The following DYNC2H1 variants were observed in gnomAD, a reference collection of about 807,000 sequenced individuals.
DYNC2H1 encodes the protein dynein cytoplasmic 2 heavy chain 1.
In DYNC2H1, 410 loss-of-function variants were observed where a neutral mutation model predicts 570.0. The observed-to-expected ratio is 0.72, with a 90% CI of 0.66 to 0.78. The LOEUF (loss-of-function observed/expected upper bound fraction) is 0.78. Among genes scored for constraint, DYNC2H1 ranks in the 30% least tolerant of loss-of-function variants. The probability of loss-of-function intolerance (pLI) is 0.00; values close to 1 mark genes in which losing one functional copy is unlikely to be tolerated. For synonymous variants in DYNC2H1, 1,688 were observed against 1,677.6 expected (o/e 1.01, Z -0.15); for missense variants, 4,865 against 5,046.4 (o/e 0.96, Z 1.09).
intron 59 of DYNC2H1, among the ~76,000 whole-genome samples, chr11:103,224,036 G>A (rs61896691): frequency 0.088 from 13,453 of 152,034 alleles, 787 homozygotes; most frequent in Non-Finnish European, 0.12. Context: ...ATAAGCCACC[G>A]TGCCTTGCTG....
chr11:103,436,307 G>A (rs1944058705), intron 85 of DYNC2H1, among the ~76,000 whole-genome samples: 4 of 151,616 alleles, frequency 2.6e-5, no homozygotes, highest in South Asian at 4.2e-4. Context: ...TCACATAGAC[G>A]GTAACTGACA....
intron 83 of DYNC2H1, among the ~76,000 whole-genome samples, chr11:103,389,476 G>GT (rs1347231366): frequency 2.6e-5 from 4 of 152,024 alleles, no homozygotes; most frequent in African/African-American, 7.2e-5. Context: ...TTCTTGAAGG[G>GT]TTTTTTGTGT....
chr11:103,306,257 AT>A (rs1867279928), intron 77 of DYNC2H1, among the ~76,000 whole-genome samples: 1 of 152,220 alleles, frequency 6.6e-6, no homozygotes, highest in Non-Finnish European at 1.5e-5. Flanking sequence ...AGACTGGCAA[AT>A]ACTTGTACTG....
chr11:103,133,739 T>C lies in DYNC2H1; in HGVS notation c.2106+32T>C. On this transcript the variant is annotated intron_variant, in intron 14 of 88. Coordinates refer to ENST00000375735, the MANE Select transcript of DYNC2H1 (RefSeq NM_001377.3). The surrounding 1 kb of genome is among the most constrained non-coding windows in gnomAD (Gnocchi z 4.8). ...TTTGTTTATAAAATTGAATAAGCTA[T>C]GAATGATATTATTTAAAAAGTCATT... The C allele has an allele frequency of 6.6e-7, 1 of 1,516,072 alleles. No homozygotes were observed. The highest frequency in any genetic ancestry group is 1.3e-5 in the South Asian group (1 of 77,916). 93.9% of individuals were successfully genotyped at this position (1,516,072 alleles called of 1,614,324 possible). A position where few individuals can be genotyped will look rare whatever the true frequency, so the allele number is the denominator to read the frequency against.
intron 75 of DYNC2H1, among the ~76,000 whole-genome samples, chr11:103,297,231 G>T (rs1866871380): frequency 6.6e-6 from 1 of 151,892 alleles, no homozygotes; most frequent in Non-Finnish European, 1.5e-5. Context: ...CAGAACTTTT[G>T]ATTTTTTTAT....
chr11:103,312,541 C>CAAAAAAA (rs1294317909), intron 79 of DYNC2H1, among the ~76,000 whole-genome samples: 7 of 70,974 alleles, frequency 9.9e-5, no homozygotes, highest in African/African-American at 1.4e-4. Context: ...GACTCTGCCT[C>CAAAAAAA]AAAAAAAAAA....
intron 59 of DYNC2H1, among the ~76,000 whole-genome samples, chr11:103,230,909 A>T (rs910985680): frequency 6.6e-6 from 1 of 152,080 alleles, no homozygotes; most frequent in African/African-American, 2.4e-5. Flanking sequence ...CTCCTATTTC[A>T]TACTTTCCTC....
At position 103,316,542 on chromosome 11, in the gene DYNC2H1, C is replaced by T. The variant is rs1937854269; in HGVS notation, c.11650-3C>T. The stretch of plus-strand genomic sequence containing the variant: ...TTTACTTAAAAAAATTGTTTTTTGA[C>T]AGGGTTGGACAAAGTTTTATGAATT... On this transcript the variant is annotated splice_region_variant and splice_polypyrimidine_tract_variant and intron_variant, in intron 79 of 88. Transcript: ENST00000375735. 4 of 1,540,362 alleles carry T rather than the reference C, an allele frequency of 2.6e-6. No homozygotes were observed. The highest frequency in any genetic ancestry group is 3.5e-6 in the Non-Finnish European group (4 of 1,144,600).
In DYNC2H1 at chr11:103,204,714, C is replaced by G. The variant is rs901522422; in HGVS notation, c.8312-108C>G. 1.3e-6 allele frequency: 1 copy of G among 746,434 alleles called. No individual in the cohort carries two copies. The highest frequency in any genetic ancestry group is 2.2e-5 in the South Asian group (1 of 45,358). 46.2% of individuals were successfully genotyped at this position (746,434 alleles called of 1,614,324 possible). On this transcript the variant is annotated intron_variant, in intron 51 of 88. Coordinates refer to ENST00000375735, the MANE Select transcript of DYNC2H1 (RefSeq NM_001377.3). The surrounding 1 kb of genome is among the most constrained non-coding windows in gnomAD (Gnocchi z 4.1). ...ACATAATATTGTTTTATATTGTGCT[C>G]GTTTTAAGAAACAACTCCTACTATT... is the stretch of plus-strand genomic sequence containing the variant.
chr11:103,186,217 C>T lies in DYNC2H1; in HGVS notation c.6634-25C>T. The T allele has an allele frequency of 1.3e-6, 2 of 1,596,748 alleles. No individual in the cohort carries two copies. Among genetic ancestry groups the T allele is most frequent in the South Asian group, 2.2e-5 (2 of 89,602 alleles). Reference sequence around the variant, plus strand: ...TCACACACTCTGGAGTATGTGAAAACTTATCACAATTTTTTCCTCTTAAGG... The same window carrying T: ...TCACACACTCTGGAGTATGTGAAAATTTATCACAATTTTTTCCTCTTAAGG... On this transcript the variant is annotated intron_variant, in intron 41 of 88. Coordinates refer to ENST00000375735, the MANE Select transcript of DYNC2H1 (RefSeq NM_001377.3). The surrounding 1 kb of genome is among the most constrained non-coding windows in gnomAD (Gnocchi z 4.5).
At chr11:103,466,348 A>G (rs995026986) in intron 87 of DYNC2H1, among the ~76,000 whole-genome samples, 2 of 152,196 alleles carry the variant, frequency 1.3e-5, no homozygotes, top group African/African-American at 2.4e-5. Flanking sequence ...GAAACAAAAC[A>G]CAGGAAAATA....
At chr11:103,215,915 T>C (rs915959641) in intron 55 of DYNC2H1, 57 bp downstream of exon 55, 8 of 1,554,740 alleles carry the variant, frequency 5.1e-6, no homozygotes, top group Non-Finnish European at 6.1e-6. Flanking sequence ...TTATGCCTGA[T>C]AGTCAGTGAA....
At chr11:103,329,517 A>G (rs954629013) in intron 82 of DYNC2H1, among the ~76,000 whole-genome samples, 2 of 152,066 alleles carry the variant, frequency 1.3e-5, no homozygotes. Context: ...CACTGACCAG[A>G]ACCTCTGTCT....
chr11:103,172,522 C>G (rs376105412), intron 34 of DYNC2H1, among the ~76,000 whole-genome samples: 1 of 152,016 alleles, frequency 6.6e-6, no homozygotes, highest in Non-Finnish European at 1.5e-5. Context: ...CTTCTACTTA[C>G]TAATTGCCCA....
chr11:103,220,171 G>A, intron 56 of DYNC2H1, 143 bp downstream of exon 56: 1 of 449,616 alleles, frequency 2.2e-6, no homozygotes, highest in Non-Finnish European at 3.9e-6. Flanking sequence ...TTGTAAAAGA[G>A]AACAAGAAGG....
At chr11:103,341,447 T>G (rs1487366992) in intron 82 of DYNC2H1, among the ~76,000 whole-genome samples, 1 of 152,228 alleles carries the variant, frequency 6.6e-6, no homozygotes, top group African/African-American at 2.4e-5. Flanking sequence ...ACAATTTCTC[T>G]AAGTGTGGGT....
At chr11:103,153,731 A>G (rs1236435842) in intron 22 of DYNC2H1, among the ~76,000 whole-genome samples, 1 of 152,038 alleles carries the variant, frequency 6.6e-6, no homozygotes, top group Non-Finnish European at 1.5e-5. Context: ...CCTAGAAGAT[A>G]GATTTACCTA....
At position 103,114,194 on chromosome 11, in the gene DYNC2H1, A is replaced by G; in HGVS notation, c.458A>G (p.Asp153Gly). The change falls in exon 3 of 89, where the codon GAC becomes GGC. Residue 153 changes from aspartate (D) to glycine (G), a missense_variant. Asp to Gly is a moderately conservative substitution (Grantham distance 94, BLOSUM62 -1). Coordinates refer to ENST00000375735, the MANE Select transcript of DYNC2H1 (RefSeq NM_001377.3). ...AGLGIVLRRS[D>G]TNLTKLKFKE... Reference sequence around the variant, plus strand: ...TTGGGTATAGTTCTACGAAGATCAGACACTAACTTAACAAAATTGAAATTT... The same window carrying G: ...TTGGGTATAGTTCTACGAAGATCAGGCACTAACTTAACAAAATTGAAATTT... 6.2e-7 allele frequency: 1 copy of G among 1,601,364 alleles called. No individual in the cohort carries two copies.
chr11:103,236,076 TTGCATAGA>T (rs1473241394), intron 62 of DYNC2H1, among the ~76,000 whole-genome samples: 1 of 151,990 alleles, frequency 6.6e-6, no homozygotes, highest in Non-Finnish European at 1.5e-5. Context: ...ATTTTTGATA[TTGCATAGA>T]TGCAATTAAA....
Sources: allele counts gnomAD v4.1 joint callset (sites outside exome capture counted in the v4.1 genomes callset), GRCh38; gene constraint gnomAD v4.1.1; non-coding constraint Gnocchi (gnomAD v3.1); transcripts MANE v1.5; gene names NCBI Gene and HGNC (gene_info 2026-07-23, HGNC 2026-07-21).